Variants in SERGEF observed in about 807,000 individuals in gnomAD.
SERGEF encodes the protein secretion regulating guanine nucleotide exchange factor, also known as secretion-regulating guanine nucleotide exchange factor.
SERGEF carries 51 observed loss-of-function variants against 50.0 expected under a neutral mutation model. The ratio of observed to expected loss-of-function variants is 1.02; its 90% CI spans 0.81 to 1.29. The LOEUF (loss-of-function observed/expected upper bound fraction) is 1.29. Ranked by LOEUF, SERGEF falls within the 50% of genes most tolerant of loss-of-function variation. The probability of loss-of-function intolerance (pLI) is 0.00; values close to 1 mark genes in which losing one functional copy is unlikely to be tolerated. For synonymous variants in SERGEF, 205 were observed against 212.4 expected (o/e 0.97, Z 0.30); for missense variants, 521 against 557.0 (o/e 0.94, Z 0.65).
intron 8 of SERGEF, among the ~76,000 whole-genome samples, chr11:17,960,243 GA>G (rs796954299): frequency 7.4e-5 from 11 of 148,606 alleles, no homozygotes; most frequent in African/African-American, 2.2e-4. Context: ...AGTGAGAGAA[GA>G]AAAAAAAAAT....
At chr11:17,839,240 G>A (rs922117930) in intron 10 of SERGEF, among the ~76,000 whole-genome samples, 1 of 152,146 alleles carries the variant, frequency 6.6e-6, no homozygotes, top group Non-Finnish European at 1.5e-5. Flanking sequence ...AGTTTACAAT[G>A]ACTATGCTTG....
At chr11:17,917,009 G>T (rs10832864) in intron 9 of SERGEF, among the ~76,000 whole-genome samples, 31,846 of 152,164 alleles carry the variant, frequency 0.21, 3,851 homozygotes, top group Non-Finnish European at 0.27. Flanking sequence ...ACAGTGTGGA[G>T]ATTCCTTAAA....
intron 10 of SERGEF, chr11:17,867,009 A>G (rs1851039876): frequency 6.6e-6 from 1 of 152,228 alleles, no homozygotes. Flanking sequence ...CTCTCCTACA[A>G]CACATGGGAA....
At chr11:17,950,598 C>A (rs1852756550) in intron 9 of SERGEF, among the ~76,000 whole-genome samples, 1 of 152,138 alleles carries the variant, frequency 6.6e-6, no homozygotes, top group African/African-American at 2.4e-5. Context: ...GTATTAGGCA[C>A]TAGATAATGA....
chr11:17,876,389 A>G (rs1851235697), intron 10 of SERGEF, among the ~76,000 whole-genome samples: 1 of 152,216 alleles, frequency 6.6e-6, no homozygotes, highest in Non-Finnish European at 1.5e-5. Flanking sequence ...TTCTCTTCCA[A>G]CAAAGAAATA....
chr11:18,005,099 C>T (rs1236048271), intron 3 of SERGEF, among the ~76,000 whole-genome samples: 1 of 152,180 alleles, frequency 6.6e-6, no homozygotes, highest in Non-Finnish European at 1.5e-5. Flanking sequence ...ATACTGTCCT[C>T]CAATTTAGCC....
chr11:17,789,437 A>G (rs1849442107), intron 10 of SERGEF, among the ~76,000 whole-genome samples: 1 of 152,232 alleles, frequency 6.6e-6, no homozygotes, highest in Non-Finnish European at 1.5e-5. Context: ...AAAAATGAAC[A>G]AATTCATACA....
intron 8 of SERGEF, among the ~76,000 whole-genome samples, chr11:17,973,397 T>C (rs1187998221): frequency 1.3e-5 from 2 of 152,060 alleles, no homozygotes; most frequent in African/African-American, 2.4e-5. Context: ...CCCCAAGACA[T>C]CCCACAACCC....
At position 17,895,169 on chromosome 11, in the gene SERGEF, A is replaced by G. The variant is rs561710529; in HGVS notation, c.1012-16925T>C. On this transcript the variant is annotated intron_variant, in intron 9 of 10. Coordinates refer to ENST00000265965, the MANE Select transcript of SERGEF (RefSeq NM_012139.4). Reference sequence around the variant, plus strand: ...CACGTGAACATGGCCCCTAATCAAGAGGCCCTCTGGTACCCCAGAGCCCCT... The same window carrying G: ...CACGTGAACATGGCCCCTAATCAAGGGGCCCTCTGGTACCCCAGAGCCCCT... Among the ~76,000 whole-genome samples the G allele has an allele frequency of 9.9e-5, 15 of 152,244 alleles. No homozygotes were observed. The South Asian group carries it at 3.1e-3, about 32-fold the overall frequency.
At position 17,991,964 on chromosome 11, in the gene SERGEF, T is replaced by TC. The variant is rs1370667411; in HGVS notation, c.685+966dup. Among the ~76,000 whole-genome samples the TC allele has an allele frequency of 6.6e-6, 1 of 152,174 alleles. No individual in the cohort carries two copies. Among genetic ancestry groups the TC allele is most frequent in the East Asian group, 1.9e-4 (1 of 5,194 alleles). On this transcript the variant is annotated intron_variant, in intron 7 of 10. Coordinates refer to ENST00000265965, the MANE Select transcript of SERGEF (RefSeq NM_012139.4). This position sits in a 1 kb window ranked among gnomAD's most constrained non-coding sequence, Gnocchi z 4.9. ...TACCAAACAAAATATTATAAATCTC[T>TC]CAGATGTATAGTCTCCAGTCTACCA... is the stretch of plus-strand genomic sequence containing the variant.
chr11:17,908,235 A>G (rs1038706844), intron 9 of SERGEF, among the ~76,000 whole-genome samples: 1 of 152,168 alleles, frequency 6.6e-6, no homozygotes, highest in Non-Finnish European at 1.5e-5. Context: ...CTGGTTCCAG[A>G]TGACCTCTCC....
chr11:17,922,259 A>T (rs1852172029), intron 9 of SERGEF, among the ~76,000 whole-genome samples: 1 of 152,144 alleles, frequency 6.6e-6, no homozygotes, highest in South Asian at 2.1e-4. Flanking sequence ...AACGAGCCCA[A>T]ATGAGCTCTG....
chr11:17,853,588 A>C (rs554348329), intron 10 of SERGEF: 1 of 152,328 alleles, frequency 6.6e-6, no homozygotes, highest in East Asian at 1.9e-4. Flanking sequence ...TTCCTCAGGG[A>C]GACAGAGCCT....
At chr11:17,987,057 T>C (rs1186233898) in intron 8 of SERGEF, among the ~76,000 whole-genome samples, 1 of 152,262 alleles carries the variant, frequency 6.6e-6, no homozygotes, top group Non-Finnish European at 1.5e-5. Flanking sequence ...TGGGAAGATA[T>C]GGCCTATGTC....
At chr11:17,818,006 T>C (rs1850010195) in intron 10 of SERGEF, among the ~76,000 whole-genome samples, 1 of 152,184 alleles carries the variant, frequency 6.6e-6, no homozygotes. Context: ...TCCAAACCAC[T>C]CTATGCATAT....
chr11:17,792,966 A>G (rs1441968885), intron 10 of SERGEF, among the ~76,000 whole-genome samples: 1 of 152,228 alleles, frequency 6.6e-6, no homozygotes, highest in East Asian at 1.9e-4. Flanking sequence ...AAATTTGGTC[A>G]TAGTTTGCCA....
At chr11:17,801,547 A>G (rs1332622701) in intron 10 of SERGEF, among the ~76,000 whole-genome samples, 1 of 152,194 alleles carries the variant, frequency 6.6e-6, no homozygotes, top group African/African-American at 2.4e-5. Context: ...ATAGGAATTA[A>G]AACTGATTCC....
At chr11:17,795,643 C>T (rs1320219007) in intron 10 of SERGEF, among the ~76,000 whole-genome samples, 2 of 152,214 alleles carry the variant, frequency 1.3e-5, no homozygotes, top group African/African-American at 2.4e-5. Context: ...GTCGGCTCCC[C>T]GAATTCACCC....
At chr11:17,980,250 T>G (rs577142221) in intron 8 of SERGEF, among the ~76,000 whole-genome samples, 1 of 152,198 alleles carries the variant, frequency 6.6e-6, no homozygotes, top group South Asian at 2.1e-4. Context: ...CTCAGGGATA[T>G]TCAGGAGGGA....
Sources: gnomAD v4.1 joint callset for allele counts (sites outside exome capture counted in the v4.1 genomes callset) on GRCh38, gnomAD v4.1.1 for gene constraint, Gnocchi (gnomAD v3.1) non-coding constraint, MANE v1.5 for transcripts, NCBI Gene and HGNC (gene_info 2026-07-23, HGNC 2026-07-21) for gene names.